The following TNFAIP8 variants were observed in gnomAD, a reference collection of about 807,000 sequenced individuals.
TNFAIP8 encodes the protein tumor necrosis factor alpha-induced protein 8.
A neutral mutation model predicts 13.3 loss-of-function variants in TNFAIP8; 7 were observed. That is an observed-to-expected ratio of 0.52 (90% CI 0.30 to 0.99). TNFAIP8 has a LOEUF of 0.99. Ranked by LOEUF, TNFAIP8 falls within the 50% of genes least tolerant of loss-of-function variation. The pLI is 0.07. For missense variants in TNFAIP8, 258 were observed against 236.9 expected, an observed-to-expected ratio of 1.09 and a Z score of -0.58; for synonymous variants, 94 against 87.6, an observed-to-expected ratio of 1.07 and a Z score of -0.41.
At chr5:119,319,037 A>G (rs1263833219) in intron 1 of TNFAIP8, among the ~76,000 whole-genome samples, 1 of 152,248 alleles carries the variant, frequency 6.6e-6, no homozygotes, top group Non-Finnish European at 1.5e-5. Flanking sequence ...CAGTGACTCC[A>G]TAATTCAAGG....
chr5:119,350,111 C>T (rs534277371), intron 1 of TNFAIP8, among the ~76,000 whole-genome samples: 44 of 152,142 alleles, frequency 2.9e-4, no homozygotes, highest in Non-Finnish European at 5.9e-4. Flanking sequence ...TAATACAAGA[C>T]ATTACTGCTA....
intron 1 of TNFAIP8, among the ~76,000 whole-genome samples, chr5:119,278,374 AGAGTGTGT>A (rs1332337432): frequency 0.015 from 1,887 of 123,168 alleles, 48 homozygotes; most frequent in African/African-American, 0.065. Flanking sequence ...AGAGAGAGAG[AGAGTGTGT>A]GTGTGTGTGT....
intron 1 of TNFAIP8, among the ~76,000 whole-genome samples, chr5:119,334,139 CAAA>C (rs57346323): frequency 2.9e-5 from 3 of 104,452 alleles, no homozygotes; most frequent in African/African-American, 9.6e-5. Context: ...CTCTAACAAC[CAAA>C]AAAAAAAAAA....
At chr5:119,363,871 A>T (rs1751728007) in intron 1 of TNFAIP8, among the ~76,000 whole-genome samples, 1 of 152,198 alleles carries the variant, frequency 6.6e-6, no homozygotes, top group African/African-American at 2.4e-5. Context: ...CTGGGTATAA[A>T]TTGGGGATTT....
intron 1 of TNFAIP8, among the ~76,000 whole-genome samples, chr5:119,274,812 A>T (rs1748390116): frequency 6.6e-6 from 1 of 152,110 alleles, no homozygotes; most frequent in Non-Finnish European, 1.5e-5. Context: ...ACCAAATGAA[A>T]CTTTGAACTT....
upstream of TNFAIP8, among the ~76,000 whole-genome samples, chr5:119,351,364 C>A (rs1751136453): frequency 6.6e-6 from 1 of 151,626 alleles, no homozygotes; most frequent in Admixed American, 6.6e-5. Flanking sequence ...GATACACATT[C>A]AGTAGAAACT....
chr5:119,369,243 G>T (rs1380102268), intron 1 of TNFAIP8, among the ~76,000 whole-genome samples: 1 of 151,880 alleles, frequency 6.6e-6, no homozygotes, highest in East Asian at 1.9e-4. Flanking sequence ...TATTAGAGAT[G>T]GGATTTCACC....
chr5:119,270,387 G>A (rs956695167), intron 1 of TNFAIP8, among the ~76,000 whole-genome samples: 4 of 152,190 alleles, frequency 2.6e-5, no homozygotes, highest in Non-Finnish European at 4.4e-5. Flanking sequence ...TATTGCCACC[G>A]TCTAATTAGA....
At chr5:119,337,816 C>T (rs1750603217) in intron 1 of TNFAIP8, among the ~76,000 whole-genome samples, 1 of 152,136 alleles carries the variant, frequency 6.6e-6, no homozygotes, top group Non-Finnish European at 1.5e-5. Context: ...CCAAAGAAAG[C>T]CTCATTAACA....
rs1753003345 is a variant in TNFAIP8, at chr5:119,394,040, A to G, written c.*659A>G. On this transcript the variant is annotated 3_prime_UTR_variant, in exon 2 of 2. Transcript: ENST00000504771. ...AATTGAGTTCTCCTTTTAAGTACCAATGATACTTAAATTTCTCAGAAATGT... is the reference window on the plus strand; with the variant it reads ...AATTGAGTTCTCCTTTTAAGTACCAGTGATACTTAAATTTCTCAGAAATGT... 1 of 152,228 alleles carries G rather than the reference A, an allele frequency of 6.6e-6. No homozygotes were observed. 9.4% of individuals were successfully genotyped at this position (152,228 alleles called of 1,614,324 possible).
At chr5:119,333,208 G>C in intron 1 of TNFAIP8, 1 of 1,002,778 alleles carries the variant, frequency 1.0e-6, no homozygotes, top group Non-Finnish European at 1.2e-6. Context: ...CTTGTCACAG[G>C]TAATCTTGCA....
chr5:119,387,544 A>C (rs1357013277), intron 1 of TNFAIP8, among the ~76,000 whole-genome samples: 1 of 152,164 alleles, frequency 6.6e-6, no homozygotes. Context: ...GAAAATTCTC[A>C]GTGGGAGTAG....
chr5:119,334,139 C>CAAAAAAAAAAA (rs57346323), intron 1 of TNFAIP8, among the ~76,000 whole-genome samples: 48 of 104,398 alleles, frequency 4.6e-4, no homozygotes, highest in African/African-American at 5.5e-4. Flanking sequence ...CTCTAACAAC[C>CAAAAAAAAAAA]AAAAAAAAAA....
In TNFAIP8 at chr5:119,356,131, T is replaced by C. The variant is rs775559027; in HGVS notation, c.31+10T>C. On this transcript the variant is annotated intron_variant, in intron 1 of 1. Transcript: ENST00000504771. ...GAAGAATCCAAGGAAGGTAGGATTC[T>C]GGTTTCTCCTGGGGGCCGGCCAAGT... 4.4e-6 allele frequency: 7 copies of C among 1,578,916 alleles called. No homozygotes were observed. The East Asian group carries it at 1.4e-4, about 32-fold the overall frequency.
intron 1 of TNFAIP8, among the ~76,000 whole-genome samples, chr5:119,324,524 T>G (rs1336092796): frequency 6.6e-6 from 1 of 152,066 alleles, no homozygotes; most frequent in Non-Finnish European, 1.5e-5. Flanking sequence ...TTTTATGGTT[T>G]GTTTTTCTGT....
intron 1 of TNFAIP8, among the ~76,000 whole-genome samples, chr5:119,374,756 AT>A (rs1169994902): frequency 1.3e-5 from 2 of 152,216 alleles, no homozygotes; most frequent in Admixed American, 1.3e-4. Flanking sequence ...CGGGGGGCTA[AT>A]TGGAGAGGAC....
intron 1 of TNFAIP8, chr5:119,333,456 T>C (rs758415980): frequency 3.5e-5 from 50 of 1,419,826 alleles, no homozygotes; most frequent in Non-Finnish European, 4.4e-5. Flanking sequence ...AAAAGAATAG[T>C]ATAAATTATT....
In TNFAIP8 at chr5:119,338,212, C is replaced by A. The variant is rs1412926533; in HGVS notation, c.2-54604C>A. Among the ~76,000 whole-genome samples the A allele has an allele frequency of 7.6e-5, 6 of 79,150 alleles. No individual in the cohort carries two copies. The East Asian group carries it at 2.7e-3, about 36-fold the overall frequency. The allele number at this position is 79,150 out of a possible 152,430, so 51.9% of individuals were successfully genotyped here. A position where few individuals can be genotyped will look rare whatever the true frequency, so the allele number is the denominator to read the frequency against. On this transcript the variant is annotated intron_variant, in intron 1 of 1. Transcript: ENST00000274456. The stretch of plus-strand genomic sequence containing the variant: ...CACACACACACACACACACACACAC[C>A]TTCTCAGCACCTAGTCACACCCTAC...
Position 119,333,648 on chromosome 5 carries a change from T to A in TNFAIP8, c.2-59168T>A, listed in dbSNP as rs926972116. 5 of 1,517,078 alleles carry A rather than the reference T, an allele frequency of 3.3e-6. No homozygotes were observed. The Admixed American group carries it at 5.9e-5, about 18-fold the overall frequency. 94.0% of individuals were successfully genotyped at this position (1,517,078 alleles called of 1,614,324 possible). On this transcript the variant is annotated intron_variant, in intron 1 of 1. Coordinates refer to the TNFAIP8 transcript ENST00000274456. ...TGAAACTAGGTGAGTTAAAACGGCC[T>A]TCAGAATATGTTTAGATATAATGTC...
Sources: allele counts gnomAD v4.1 joint callset (sites outside exome capture counted in the v4.1 genomes callset), GRCh38; gene constraint gnomAD v4.1.1; transcripts MANE v1.5; gene names NCBI Gene and HGNC (gene_info 2026-07-23, HGNC 2026-07-21).